Variants in PDE8B observed in about 807,000 individuals in gnomAD.
PDE8B encodes the protein high affinity cAMP-specific and IBMX-insensitive 3',5'-cyclic phosphodiesterase 8B.
In PDE8B, 26 loss-of-function variants were observed where a neutral mutation model predicts 101.3. The observed-to-expected ratio is 0.26, with a 90% CI of 0.19 to 0.36. PDE8B has a LOEUF of 0.36. PDE8B is among the 10% of genes least tolerant of loss of function. PDE8B has a pLI of 1.00. For synonymous variants in PDE8B, 424 were observed against 429.3 expected (o/e 0.99, Z 0.15); for missense variants, 810 against 1,163.1 (o/e 0.70, Z 4.42).
the PDE8B span, among the ~76,000 whole-genome samples, chr5:77,091,874 G>A: frequency 1.3e-5 from 2 of 152,168 alleles, no homozygotes; most frequent in Non-Finnish European, 2.9e-5. Context: ...AGTTCATAGA[G>A]GAGTTTTTAG....
chr5:77,316,136 G>A (rs1224067207), intron 2 of PDE8B, among the ~76,000 whole-genome samples: 1 of 151,318 alleles, frequency 6.6e-6, no homozygotes, highest in African/African-American at 2.4e-5. Context: ...ATTGTTTCTT[G>A]TTTCTGCTTA....
At chr5:77,294,639 G>A (rs974932529) in intron 1 of PDE8B, among the ~76,000 whole-genome samples, 143 of 150,938 alleles carry the variant, frequency 9.5e-4, no homozygotes, top group African/African-American at 3.3e-3. Flanking sequence ...TGATTACTCA[G>A]AAAAGAAATA....
intron 10 of PDE8B, among the ~76,000 whole-genome samples, chr5:77,393,204 G>A (rs1271425018): frequency 1.3e-5 from 2 of 152,112 alleles, no homozygotes; most frequent in African/African-American, 4.8e-5. Flanking sequence ...GACTAGCTTG[G>A]CCAACATGGG....
chr5:77,228,103 G>T (rs554010446), intron 1 of PDE8B, among the ~76,000 whole-genome samples: 15 of 152,268 alleles, frequency 9.9e-5, no homozygotes, highest in African/African-American at 3.6e-4. Flanking sequence ...AATCTTCCAA[G>T]CTTATCTACA....
rs780568456 is a variant in PDE8B at position 77,409,071 on chromosome 5, C to T, written c.1530+14C>T. The stretch of plus-strand genomic sequence containing the variant: ...GGCCTGATGACTGTGAGTGATGAGG[C>T]AAAACCTGAAAAGCAAGAGAGGTAT... On this transcript the variant is annotated intron_variant, in intron 14 of 21. Transcript: ENST00000264917. 4 of 1,612,142 alleles carry T rather than the reference C, an allele frequency of 2.5e-6. No individual in the cohort carries two copies. The Admixed American group carries it at 6.7e-5, about 27-fold the overall frequency.
intron 1 of PDE8B, among the ~76,000 whole-genome samples, chr5:77,220,677 C>A (rs1750915689): frequency 1.3e-5 from 2 of 152,194 alleles, no homozygotes; most frequent in Non-Finnish European, 2.9e-5. Context: ...ACTGTTGAAA[C>A]AATATTGCTG....
At chr5:77,232,907 C>A (rs141593030) in intron 1 of PDE8B, among the ~76,000 whole-genome samples, 1 of 152,258 alleles carries the variant, frequency 6.6e-6, no homozygotes, top group African/African-American at 2.4e-5. Flanking sequence ...CAATAAAAAA[C>A]CAATAACTGT....
At position 77,351,172 on chromosome 5, in the gene PDE8B, A is replaced by C; in HGVS notation, c.1106+19A>C. 1.3e-6 allele frequency: 2 copies of C among 1,574,212 alleles called. No homozygotes were observed. Among genetic ancestry groups the C allele is most frequent in the Non-Finnish European group, 1.7e-6 (2 of 1,143,852 alleles). On this transcript the variant is annotated intron_variant, in intron 9 of 21. Transcript: ENST00000264917. ...AAGGAGGGTGAGAGCAAACTGTTCA[A>C]CTCTTTTAGCTGAAGATAAAGACTC...
intron 10 of PDE8B, among the ~76,000 whole-genome samples, chr5:77,369,359 G>A (rs10514096): frequency 0.19 from 28,561 of 152,004 alleles, 3,333 homozygotes; most frequent in Middle Eastern, 0.32. Context: ...ACTGTTCCAT[G>A]AATTCCAAGG....
chr5:77,107,271 T>C, the PDE8B span, among the ~76,000 whole-genome samples: 2 of 152,222 alleles, frequency 1.3e-5, no homozygotes, highest in Admixed American at 6.5e-5. Context: ...TTGGTGTGTA[T>C]GTGCCACATT....
At chr5:77,186,300 C>T in the PDE8B span, among the ~76,000 whole-genome samples, 2 of 152,208 alleles carry the variant, frequency 1.3e-5, no homozygotes, top group African/African-American at 4.8e-5. Flanking sequence ...CTAATTAGAT[C>T]GTACAGCCAA....
At chr5:77,231,305 G>A (rs1753511010) in intron 1 of PDE8B, among the ~76,000 whole-genome samples, 1 of 152,126 alleles carries the variant, frequency 6.6e-6, no homozygotes, top group African/African-American at 2.4e-5. Flanking sequence ...AGGAAGTAGG[G>A]GAAAGTGTGT....
intron 1 of PDE8B, among the ~76,000 whole-genome samples, chr5:77,285,666 A>ATT (rs35554951): frequency 6.6e-6 from 1 of 151,760 alleles, no homozygotes; most frequent in South Asian, 2.1e-4. Flanking sequence ...TTTCCCATCT[A>ATT]TTTTTTTCCC....
At position 77,330,591 on chromosome 5, in the gene PDE8B, G is replaced by A. The variant is rs552187103; in HGVS notation, c.651-811G>A. Among the ~76,000 whole-genome samples, 251 of 152,310 alleles carry A rather than the reference G, an allele frequency of 1.6e-3. 2 individuals are homozygous for A. The highest frequency in any genetic ancestry group is 5.8e-3 in the African/African-American group (243 of 41,570). The stretch of plus-strand genomic sequence containing the variant: ...AGCTTTTCCCTTAGGGCAGGAATCA[G>A]CTGTGGGTAATGCCACAAGTCAGCA... On this transcript the variant is annotated intron_variant, in intron 4 of 21. Coordinates refer to ENST00000264917, the MANE Select transcript of PDE8B (RefSeq NM_003719.5).
intron 6 of PDE8B, among the ~76,000 whole-genome samples, chr5:77,337,916 G>A (rs938661823): frequency 1.3e-5 from 2 of 152,200 alleles, no homozygotes; most frequent in South Asian, 2.1e-4. Flanking sequence ...GCTGGGGGAT[G>A]TTCTGCTCCT....
Position 77,418,326 on chromosome 5 carries a change from C to A in PDE8B, c.2009C>A (p.Ala670Glu). 6.2e-7 allele frequency: 1 copy of A among 1,613,730 alleles called. No homozygotes were observed. Among genetic ancestry groups the A allele is most frequent in the Non-Finnish European group, 8.5e-7 (1 of 1,179,594 alleles). Residue 670 changes from alanine to glutamate, a missense_variant, in exon 18 of 22, where the codon GCA becomes GAA. Ala to Glu is a moderately radical substitution (Grantham distance 107, BLOSUM62 -1). This residue lies in a region of PDE8B where 325 missense variants were observed against 560.9 expected (regional missense o/e 0.58). Transcript: ENST00000264917. ...AGGACCAACTCTTTCCTCTGCAATG[C>A]AGGCAGTGAGCTTGCTGTGCTCTAC... ...PGRTNSFLCN[A>E]GSELAVLYND...
At chr5:77,167,204 G>A in the PDE8B span, among the ~76,000 whole-genome samples, 2 of 152,178 alleles carry the variant, frequency 1.3e-5, no homozygotes, top group African/African-American at 4.8e-5. Flanking sequence ...TTCCTGTATT[G>A]CATTAACAGT....
chr5:77,332,108 T>G (rs1201470226), intron 5 of PDE8B, among the ~76,000 whole-genome samples: 1 of 152,012 alleles, frequency 6.6e-6, no homozygotes, highest in Non-Finnish European at 1.5e-5. Context: ...GGAAAGGAAC[T>G]GATAGAATGG....
At chr5:77,397,154 C>T (rs986796613) in intron 10 of PDE8B, among the ~76,000 whole-genome samples, 5 of 150,114 alleles carry the variant, frequency 3.3e-5, no homozygotes, top group African/African-American at 7.4e-5. Flanking sequence ...CTCAGCCTCC[C>T]GAGTAGCGGG....
Sources: gnomAD v4.1 joint callset for allele counts (sites outside exome capture counted in the v4.1 genomes callset) on GRCh38, gnomAD v4.1.1 for gene constraint, gnomAD v4.1.1 regional missense constraint, MANE v1.5 for transcripts, NCBI Gene and HGNC (gene_info 2026-07-23, HGNC 2026-07-21) for gene names.